CADPS2: variants seen among roughly 807,000 people sequenced by gnomAD.
CADPS2 encodes the protein calcium-dependent secretion activator 2.
Under a neutral mutation model 172.5 loss-of-function variants are expected in CADPS2, and 93 were observed. That is an observed-to-expected ratio of 0.54 (90% CI 0.46 to 0.64). CADPS2 has a LOEUF of 0.64. CADPS2 is among the 30% of genes least tolerant of loss of function. CADPS2 has a pLI of 0.00. For synonymous variants in CADPS2, 546 were observed against 555.2 expected (o/e 0.98, Z 0.23); for missense variants, 1,420 against 1,565.9 (o/e 0.91, Z 1.57).
chr7:122,698,834 GACTA>G (rs1272662045), intron 2 of CADPS2: 1 of 1,613,524 alleles, frequency 6.2e-7, no homozygotes, highest in Admixed American at 1.7e-5. Flanking sequence ...CAACAGTTCT[GACTA>G]ACAAGCCAAA....
intron 1 of CADPS2, among the ~76,000 whole-genome samples, chr7:122,788,193 C>T (rs139745194): frequency 3.2e-4 from 49 of 152,242 alleles, no homozygotes; most frequent in African/African-American, 1.2e-3. Flanking sequence ...TCTTAACAAC[C>T]CCTTTCTTTG....
At chr7:122,687,891 T>C (rs1344186942) in intron 2 of CADPS2, among the ~76,000 whole-genome samples, 2 of 152,250 alleles carry the variant, frequency 1.3e-5, no homozygotes, top group East Asian at 1.9e-4. Context: ...ACTTAACATG[T>C]ATCAAGCCTT....
chr7:122,723,511 T>C (rs1472012696), intron 2 of CADPS2, among the ~76,000 whole-genome samples: 1 of 152,036 alleles, frequency 6.6e-6, no homozygotes, highest in Non-Finnish European at 1.5e-5. Context: ...TGGCAATCAT[T>C]AAAAAGTCAG....
intron 8 of CADPS2, 84 bp from the exon 9 acceptor site, chr7:122,513,399 T>C: frequency 8.9e-7 from 1 of 1,123,972 alleles, no homozygotes; most frequent in Admixed American, 2.4e-5. Context: ...CATAGGTATT[T>C]ATTTTTGAGA....
intron 3 of CADPS2, among the ~76,000 whole-genome samples, chr7:122,645,664 T>TAG (rs1371755863): frequency 3.6e-5 from 3 of 82,490 alleles, no homozygotes; most frequent in Non-Finnish European, 4.9e-5. Flanking sequence ...CTAAGATATA[T>TAG]ATATATATAT....
At chr7:122,670,487 C>A (rs1433425150) in intron 2 of CADPS2, among the ~76,000 whole-genome samples, 5 of 151,740 alleles carry the variant, frequency 3.3e-5, no homozygotes, top group Non-Finnish European at 7.4e-5. Flanking sequence ...AGGTGGATCA[C>A]TTGAGCCCAG....
chr7:122,820,568 T>TG (rs1802918838), intron 1 of CADPS2, among the ~76,000 whole-genome samples: 2 of 123,080 alleles, frequency 1.6e-5, no homozygotes, highest in African/African-American at 6.5e-5. Context: ...TTTTTTTTTT[T>TG]TTTTTTTTTG....
At chr7:122,794,816 T>G (rs1018214949) in intron 1 of CADPS2, among the ~76,000 whole-genome samples, 1 of 151,348 alleles carries the variant, frequency 6.6e-6, no homozygotes, top group Non-Finnish European at 1.5e-5. Flanking sequence ...ACTAAGAAAT[T>G]CACTCAAAAC....
intron 28 of CADPS2, among the ~76,000 whole-genome samples, chr7:122,333,570 A>G (rs1363810186): frequency 6.6e-6 from 1 of 152,170 alleles, no homozygotes; most frequent in Non-Finnish European, 1.5e-5. Flanking sequence ...TCCCAACTAC[A>G]TCTCCCTGTC....
At chr7:122,840,500 C>A (rs934410070) in intron 1 of CADPS2, among the ~76,000 whole-genome samples, 1 of 148,494 alleles carries the variant, frequency 6.7e-6, no homozygotes, top group Non-Finnish European at 1.5e-5. Flanking sequence ...TTCAAAATCT[C>A]ATTAAATAAA....
intron 22 of CADPS2, among the ~76,000 whole-genome samples, chr7:122,392,401 T>TTTTA (rs1449025486): frequency 2.4e-4 from 36 of 151,550 alleles, no homozygotes; most frequent in African/African-American, 8.2e-4. Flanking sequence ...TTTTTTTTTT[T>TTTTA]AAATCATCAC....
intron 2 of CADPS2, among the ~76,000 whole-genome samples, chr7:122,715,999 A>C (rs2089542223): frequency 6.6e-6 from 1 of 152,126 alleles, no homozygotes; most frequent in African/African-American, 2.4e-5. Context: ...AAATTGCTAG[A>C]AGAATACATT....
intron 24 of CADPS2, among the ~76,000 whole-genome samples, chr7:122,381,244 C>T (rs536701352): frequency 3.3e-5 from 5 of 152,234 alleles, no homozygotes; most frequent in South Asian, 2.1e-4. Context: ...TCTTGTTTCA[C>T]GTCCTTCTTG....
At chr7:122,732,830 A>ATATATATATATATATATATAATAT (rs1562885762) in intron 2 of CADPS2, among the ~76,000 whole-genome samples, 1 of 138,660 alleles carries the variant, frequency 7.2e-6, no homozygotes, top group African/African-American at 2.7e-5. Context: ...TATTATATAT[A>ATATATATATATATATATATAATAT]ATATACATTA....
chr7:122,598,980 G>A (rs1410908128), intron 6 of CADPS2, among the ~76,000 whole-genome samples: 1 of 152,048 alleles, frequency 6.6e-6, no homozygotes, highest in East Asian at 1.9e-4. Flanking sequence ...AGGGAAGCAA[G>A]GGCTCAGGGA....
rs942709519 is a variant in CADPS2, at chr7:122,602,111, C to T, written c.1223+13070G>A. Among the ~76,000 whole-genome samples the T allele has an allele frequency of 8.6e-5, 13 of 151,654 alleles. 1 individual carries two copies. The South Asian group carries it at 2.5e-3, about 29-fold the overall frequency. ...TTAGGTGGTTTGAGTTAAAAGTTTC[C>T]GTTAAAGCAGGAGAACCTGTAGCAG... On this transcript the variant is annotated intron_variant, in intron 6 of 29. Coordinates refer to ENST00000449022, the MANE Select transcript of CADPS2 (RefSeq NM_017954.11).
chr7:122,534,772 T>A (rs1360730799), intron 8 of CADPS2, among the ~76,000 whole-genome samples: 3 of 152,082 alleles, frequency 2.0e-5, no homozygotes, highest in Non-Finnish European at 4.4e-5. Context: ...CATTTTTAAT[T>A]CCTTTCATTC....
chr7:122,439,368 T>A (rs1181499208), intron 16 of CADPS2: 1 of 152,164 alleles, frequency 6.6e-6, no homozygotes, highest in Non-Finnish European at 1.5e-5. Flanking sequence ...TTCATTCAGA[T>A]TACAAAACAT....
chr7:122,739,642 C>T (rs1190792503), intron 1 of CADPS2, among the ~76,000 whole-genome samples: 2 of 152,086 alleles, frequency 1.3e-5, no homozygotes, highest in Non-Finnish European at 2.9e-5. Context: ...ACATTTAAGA[C>T]ATAAAATGGA....
Sources: gnomAD v4.1 joint callset for allele counts (sites outside exome capture counted in the v4.1 genomes callset) on GRCh38, gnomAD v4.1.1 for gene constraint, MANE v1.5 for transcripts, NCBI Gene and HGNC (gene_info 2026-07-23, HGNC 2026-07-21) for gene names.